The following TRAPPC3L variants were observed in gnomAD, a reference collection of about 807,000 sequenced individuals.
TRAPPC3L encodes the protein trafficking protein particle complex subunit 3L, also known as trafficking protein particle complex subunit 3-like protein.
A neutral mutation model predicts 23.7 loss-of-function variants in TRAPPC3L; 23 were observed. That is an observed-to-expected ratio of 0.97 (90% CI 0.70 to 1.37). The LOEUF is 1.37. Ranked by LOEUF, TRAPPC3L falls within the 40% of genes most tolerant of loss-of-function variation. The pLI, the probability that TRAPPC3L is intolerant of heterozygous loss-of-function variation, is 0.00. For missense variants in TRAPPC3L, 212 were observed against 216.8 expected (o/e 0.98, Z 0.14); for synonymous variants, 81 against 77.9 (o/e 1.04, Z -0.21).
In TRAPPC3L at chr6:116,500,468, T is replaced by C. The variant is rs774426540; in HGVS notation, c.426+13A>G. ...AGAGATTCTTCATTCATTCTTCACT[T>C]ATTCAACTTTACCATTTCCAAGGCA... On this transcript the variant is annotated intron_variant, in intron 4 of 4. Transcript: ENST00000368602. 3.2e-6 allele frequency: 5 copies of C among 1,541,500 alleles called. No homozygotes were observed. The South Asian group carries it at 3.6e-5, about 11-fold the overall frequency.
intron 3 of TRAPPC3L, among the ~76,000 whole-genome samples, chr6:116,501,407 G>A (rs1771912275): frequency 6.6e-6 from 1 of 152,178 alleles, no homozygotes; most frequent in South Asian, 2.1e-4. Flanking sequence ...AAGGCCTACT[G>A]CCTCCTTAGA....
intron 3 of TRAPPC3L, among the ~76,000 whole-genome samples, chr6:116,502,054 G>A (rs192552369): frequency 1.3e-5 from 2 of 152,218 alleles, no homozygotes; most frequent in East Asian, 3.9e-4. Flanking sequence ...AGGCTTCAGA[G>A]GTCAGTAATA....
chr6:116,513,917 G>C (rs1379578069), intron 3 of TRAPPC3L, among the ~76,000 whole-genome samples: 1 of 152,168 alleles, frequency 6.6e-6, no homozygotes, highest in East Asian at 1.9e-4. Flanking sequence ...CCTAGAACTA[G>C]TGGTTCGACC....
At chr6:116,526,448 A>T (rs1772440196) in intron 3 of TRAPPC3L, among the ~76,000 whole-genome samples, 1 of 152,244 alleles carries the variant, frequency 6.6e-6, no homozygotes, top group Non-Finnish European at 1.5e-5. Context: ...GAGGCCAATT[A>T]GGATCACTTG....
At chr6:116,512,732 A>G (rs1271628665) in intron 3 of TRAPPC3L, among the ~76,000 whole-genome samples, 1 of 152,234 alleles carries the variant, frequency 6.6e-6, no homozygotes, top group East Asian at 1.9e-4. Flanking sequence ...ATTCTCTTGA[A>G]TGATTTCTGG....
In TRAPPC3L at chr6:116,540,376, T is replaced by A. The variant is rs1319045310; in HGVS notation, c.227A>T (p.Asp76Val). 1 of 1,551,060 alleles carries A rather than the reference T, an allele frequency of 6.4e-7. No homozygotes were observed. Among genetic ancestry groups the A allele is most frequent in the Admixed American group, 2.0e-5 (1 of 50,952 alleles). ...AAACATAGTTACCTGGGCAATTATG[T>A]CTATAATTTCTGAATAACTATGGCA... ...GRCHSYSEII[D>V]IIAQVAFKMY... The change falls in exon 3 of 5, where the codon GAC (aspartate) becomes GTC (valine). Residue 76 changes from aspartate to valine, a missense_variant. Asp to Val is a radical substitution (Grantham distance 152, BLOSUM62 -3). Transcript: ENST00000368602.
At chr6:116,538,724 A>ATCTT in intron 3 of TRAPPC3L, among the ~76,000 whole-genome samples, 1 of 151,194 alleles carries the variant, frequency 6.6e-6, no homozygotes, top group South Asian at 2.1e-4. Flanking sequence ...AAAGTCTTAA[A>ATCTT]TCTTTCTTTC....
chr6:116,524,085 T>A (rs1173794164), intron 3 of TRAPPC3L: 4 of 152,204 alleles, frequency 2.6e-5, no homozygotes, highest in Non-Finnish European at 5.9e-5. Flanking sequence ...TTATGTTTTT[T>A]AAAAAGTTCT....
intron 3 of TRAPPC3L, among the ~76,000 whole-genome samples, chr6:116,537,619 A>AT (rs1773181034): frequency 6.6e-6 from 1 of 152,112 alleles, no homozygotes; most frequent in Admixed American, 6.6e-5. Context: ...CTATTTCCAC[A>AT]TATTGAAGAC....
chr6:116,512,777 T>C (rs955449178), intron 3 of TRAPPC3L, among the ~76,000 whole-genome samples: 1 of 152,224 alleles, frequency 6.6e-6, no homozygotes. Context: ...ATTGTCAAGA[T>C]TGAGAAGAAT....
chr6:116,522,644 C>T (rs1772365622), intron 3 of TRAPPC3L: 1 of 152,098 alleles, frequency 6.6e-6, no homozygotes, highest in Non-Finnish European at 1.5e-5. Context: ...GGAATACAAA[C>T]ATATTATTGG....
At chr6:116,535,675 T>C (rs1773029352) in intron 3 of TRAPPC3L, among the ~76,000 whole-genome samples, 1 of 152,264 alleles carries the variant, frequency 6.6e-6, no homozygotes, top group Non-Finnish European at 1.5e-5. Context: ...AATTATCTAA[T>C]ATTTCATTAT....
At chr6:116,532,921 C>T (rs1226416955) in intron 3 of TRAPPC3L, among the ~76,000 whole-genome samples, 2 of 152,216 alleles carry the variant, frequency 1.3e-5, no homozygotes, top group Non-Finnish European at 2.9e-5. Flanking sequence ...TCTTGCTTCA[C>T]ATAATGCAAA....
intron 3 of TRAPPC3L, among the ~76,000 whole-genome samples, chr6:116,527,890 C>T (rs1772493729): frequency 6.6e-6 from 1 of 152,150 alleles, no homozygotes; most frequent in Non-Finnish European, 1.5e-5. Context: ...AGCAGCAAAC[C>T]ACCATGACAC....
chr6:116,540,599 C>CGAGCTCAAGTGA, intron 2 of TRAPPC3L, 137 bp from the exon 3 acceptor site: 1 of 826,702 alleles, frequency 1.2e-6, no homozygotes. Flanking sequence ...AGTCAAATGG[C>CGAGCTCAAGTGA]TTTTGGCTGT....
chr6:116,522,561 G>A (rs1325187298), intron 3 of TRAPPC3L: 1 of 152,180 alleles, frequency 6.6e-6, no homozygotes, highest in African/African-American at 2.4e-5. Context: ...ATGCTGATAA[G>A]TAGGTCTCTA....
chr6:116,545,406 A>G (rs1773719370), intron 1 of TRAPPC3L, 67 bp downstream of exon 1: 1 of 1,388,610 alleles, frequency 7.2e-7, no homozygotes, highest in South Asian at 1.3e-5. Flanking sequence ...TTTTAAAATC[A>G]ATCAGAAATC....
At chr6:116,504,467 G>C (rs1218020134) in intron 3 of TRAPPC3L, among the ~76,000 whole-genome samples, 1 of 152,168 alleles carries the variant, frequency 6.6e-6, no homozygotes, top group Non-Finnish European at 1.5e-5. Flanking sequence ...AAAGAAGCTG[G>C]TATTATTCCT....
At position 116,497,031 on chromosome 6, in the gene TRAPPC3L, T is replaced by C; in HGVS notation, c.469A>G (p.Lys157Glu). 6.5e-7 allele frequency: 1 copy of C among 1,548,902 alleles called. No individual in the cohort carries two copies. The highest frequency in any genetic ancestry group is 1.4e-5 in the African/African-American group (1 of 72,852). Residue 157 changes from lysine to glutamate, a missense_variant, in exon 5 of 5, where the codon AAA becomes GAA. Coordinates refer to ENST00000368602, the MANE Select transcript of TRAPPC3L (RefSeq NM_001139444.3). ...ADVTFLQDRL[K>E]GDSVTEIGIT... Reference sequence around the variant, plus strand: ...CCTATTTCTGTCACACTGTCACCTTTTAGTCTGTCTTGCAAGAATGTAACA... The same window carrying C: ...CCTATTTCTGTCACACTGTCACCTTCTAGTCTGTCTTGCAAGAATGTAACA...
Sources: gnomAD v4.1 joint callset for allele counts (sites outside exome capture counted in the v4.1 genomes callset) on GRCh38, gnomAD v4.1.1 for gene constraint, MANE v1.5 for transcripts, NCBI Gene and HGNC (gene_info 2026-07-23, HGNC 2026-07-21) for gene names.